Variants in RYK observed in about 807,000 individuals in gnomAD.
RYK encodes receptor like tyrosine kinase.
In RYK, 21 loss-of-function variants were observed where a neutral mutation model predicts 70.2. The ratio of observed to expected loss-of-function variants is 0.30; its 90% CI spans 0.21 to 0.43. The LOEUF (loss-of-function observed/expected upper bound fraction) is 0.43. RYK is among the 20% of genes least tolerant of loss of function. The pLI, the probability that RYK is intolerant of heterozygous loss-of-function variation, is 1.00. For missense variants in RYK, 604 were observed against 753.3 expected (o/e 0.80, Z 2.32); for synonymous variants, 267 against 278.0 (o/e 0.96, Z 0.39).
chr3:134,179,031 C>T (rs2013205506), intron 10 of RYK: 1 of 152,042 alleles, frequency 6.6e-6, no homozygotes, highest in South Asian at 2.1e-4. Context: ...GCAAATCCTG[C>T]TTCTAAGGAT....
chr3:134,183,345 A>G (rs1235118042), intron 9 of RYK: 4 of 224,662 alleles, frequency 1.8e-5, no homozygotes, highest in Non-Finnish European at 2.6e-5. Context: ...GCAACACATA[A>G]GGCATATATA....
At chr3:134,170,569 A>T in intron 13 of RYK, 1 of 158,748 alleles carries the variant, frequency 6.3e-6, no homozygotes, top group Non-Finnish European at 1.4e-5. Flanking sequence ...GAACCTAAGC[A>T]GAAAAACCCA....
At chr3:134,231,902 C>T (rs1560026507) in intron 1 of RYK, among the ~76,000 whole-genome samples, 1 of 152,124 alleles carries the variant, frequency 6.6e-6, no homozygotes, top group Non-Finnish European at 1.5e-5. Context: ...CTATGCACCC[C>T]TCTTCTATGT....
chr3:134,240,355 A>C (rs1176147031), intron 1 of RYK, among the ~76,000 whole-genome samples: 1 of 152,182 alleles, frequency 6.6e-6, no homozygotes, highest in African/African-American at 2.4e-5. Flanking sequence ...ACGGGTATAC[A>C]GAGATTCATT....
chr3:134,222,683 G>A, intron 1 of RYK, 144 bp from the exon 2 acceptor site: 1 of 649,754 alleles, frequency 1.5e-6, no homozygotes, highest in East Asian at 3.0e-5. Context: ...GCTGCCTTAT[G>A]AAGCAAAAAA....
At chr3:134,207,700 A>G (rs1387833798) in intron 4 of RYK, among the ~76,000 whole-genome samples, 175 bp from the exon 5 acceptor site, 2 of 152,182 alleles carry the variant, frequency 1.3e-5, no homozygotes, top group Middle Eastern at 3.2e-3. Context: ...AATAGTCTAT[A>G]CCACTGTTAG....
At chr3:134,237,594 G>A (rs2015226599) in intron 1 of RYK, among the ~76,000 whole-genome samples, 1 of 152,212 alleles carries the variant, frequency 6.6e-6, no homozygotes, top group African/African-American at 2.4e-5. Context: ...AACTAAAGCA[G>A]AGTTCACAGT....
chr3:134,166,462 T>A (rs953619191), intron 13 of RYK, among the ~76,000 whole-genome samples: 1 of 152,238 alleles, frequency 6.6e-6, no homozygotes, highest in Non-Finnish European at 1.5e-5. Context: ...CCAACTCAAC[T>A]TCAAACATCA....
At chr3:134,204,176 T>C (rs981190507) in intron 5 of RYK, among the ~76,000 whole-genome samples, 1 of 152,080 alleles carries the variant, frequency 6.6e-6, no homozygotes, top group Non-Finnish European at 1.5e-5. Context: ...TTAAATAAAA[T>C]GATACTCAGC....
chr3:134,234,808 C>G (rs1218445968), intron 1 of RYK, among the ~76,000 whole-genome samples: 1 of 152,066 alleles, frequency 6.6e-6, no homozygotes, highest in Non-Finnish European at 1.5e-5. Context: ...GTATAATAAT[C>G]ATGAATCATC....
chr3:134,201,734 T>C (rs747229912), intron 6 of RYK, among the ~76,000 whole-genome samples: 6 of 152,108 alleles, frequency 3.9e-5, no homozygotes, highest in Non-Finnish European at 8.8e-5. Context: ...TAAGTGATCA[T>C]TTGACTGGAG....
chr3:134,159,451 G>GACAAAAAATA, intron 13 of RYK, 78 bp from the exon 14 acceptor site: 1 of 1,383,034 alleles, frequency 7.2e-7, no homozygotes. Flanking sequence ...CCAGCTACAG[G>GACAAAAAATA]ACAAAAAATA....
intron 14 of RYK, 64 bp from the exon 15 acceptor site, chr3:134,158,328 G>T: frequency 1.0e-6 from 1 of 960,204 alleles, no homozygotes; most frequent in Non-Finnish European, 1.5e-6. Flanking sequence ...CTTTTGCTCA[G>T]TTTGATGCCA....
chr3:134,204,822 T>C (rs1314813065), intron 5 of RYK, among the ~76,000 whole-genome samples: 1 of 152,150 alleles, frequency 6.6e-6, no homozygotes, highest in Non-Finnish European at 1.5e-5. Context: ...GGGGGATCAT[T>C]GCAAGGTTTC....
chr3:134,231,571 C>T (rs1037226506), intron 1 of RYK, among the ~76,000 whole-genome samples: 1 of 152,182 alleles, frequency 6.6e-6, no homozygotes. Context: ...TAGCTTAGCA[C>T]CCTGGCCGTC....
At chr3:134,242,581 T>C (rs557354975) in intron 1 of RYK, among the ~76,000 whole-genome samples, 36 of 152,376 alleles carry the variant, frequency 2.4e-4, no homozygotes, top group African/African-American at 8.2e-4. Context: ...CTGTTTCATG[T>C]ACAAGTTTTT....
chr3:134,192,918 T>G (rs1041550490), intron 7 of RYK, among the ~76,000 whole-genome samples: 2 of 152,198 alleles, frequency 1.3e-5, no homozygotes, highest in Non-Finnish European at 2.9e-5. Flanking sequence ...TACCTGGAGT[T>G]CTCTTAGTTT....
chr3:134,164,197 G>A lies in RYK; in HGVS notation c.1576-4824C>T, dbSNP rs570951608. On this transcript the variant is annotated intron_variant, in intron 13 of 14. Transcript: ENST00000623711. ...TCTTAAGATTGGGTAAATTTAGCAA[G>A]TAGTCCTAGATTTGTTAGCTGCAGT... is the stretch of plus-strand genomic sequence containing the variant. Among the ~76,000 whole-genome samples the A allele has an allele frequency of 4.6e-5, 7 of 152,304 alleles. No individual in the cohort carries two copies. In the South Asian group the frequency reaches 1.2e-3, roughly 27 times the overall value.
intron 5 of RYK, among the ~76,000 whole-genome samples, chr3:134,206,853 T>C (rs2014226013): frequency 6.6e-6 from 1 of 152,106 alleles, no homozygotes; most frequent in African/African-American, 2.4e-5. Flanking sequence ...TCTGAACTTT[T>C]ATATACTTGA....
Sources: allele counts gnomAD v4.1 joint callset (sites outside exome capture counted in the v4.1 genomes callset), GRCh38; gene constraint gnomAD v4.1.1; transcripts MANE v1.5; gene names NCBI Gene and HGNC (gene_info 2026-07-23, HGNC 2026-07-21).